Variants in RGS7BP observed in about 807,000 individuals in gnomAD.
The protein encoded by RGS7BP is regulator of G protein signaling 7-binding protein.
RGS7BP carries 9 observed loss-of-function variants against 31.3 expected under a neutral mutation model. The ratio of observed to expected loss-of-function variants is 0.29; its 90% confidence interval spans 0.17 to 0.50. RGS7BP has a LOEUF of 0.50. RGS7BP is among the 20% of genes least tolerant of loss of function. RGS7BP has a pLI of 0.98. For synonymous variants in RGS7BP, 115 were observed against 120.1 expected, an observed-to-expected ratio of 0.96 and a Z score of 0.28; for missense variants, 274 against 322.0, an observed-to-expected ratio of 0.85 and a Z score of 1.14.
intron 2 of RGS7BP, among the ~76,000 whole-genome samples, chr5:64,538,528 C>CTTTTTTTTTTTCTTTTTTTTTTT (rs1741438440): frequency 2.3e-5 from 1 of 43,064 alleles, no homozygotes; most frequent in African/African-American, 8.8e-5. Context: ...CTTTTCTTTT[C>CTTTTTTTTTTTCTTTTTTTTTTT]TTTTTTTTTT....
chr5:64,546,011 A>C (rs1580417461), intron 2 of RGS7BP, among the ~76,000 whole-genome samples: 1 of 152,166 alleles, frequency 6.6e-6, no homozygotes, highest in Admixed American at 6.5e-5. Flanking sequence ...AAAATTAGCC[A>C]GGCGTGGTGG....
intron 2 of RGS7BP, among the ~76,000 whole-genome samples, chr5:64,535,774 C>A (rs1204062288): frequency 6.6e-6 from 1 of 152,170 alleles, no homozygotes; most frequent in Non-Finnish European, 1.5e-5. Context: ...ATGGTCCTGC[C>A]AATATCTTTT....
intron 2 of RGS7BP, among the ~76,000 whole-genome samples, chr5:64,527,010 CTGAAT>C (rs1323917601): frequency 6.6e-6 from 1 of 152,180 alleles, no homozygotes; most frequent in Non-Finnish European, 1.5e-5. Context: ...ATGTATTCTC[CTGAAT>C]ACACACTTGA....
intron 2 of RGS7BP, among the ~76,000 whole-genome samples, chr5:64,509,851 A>G (rs898852941): frequency 8.5e-5 from 13 of 152,226 alleles, no homozygotes; most frequent in African/African-American, 1.2e-4. Flanking sequence ...ATTCTAGGAT[A>G]GAACTTGACA....
chr5:64,550,322 C>T (rs150684039), intron 2 of RGS7BP, among the ~76,000 whole-genome samples: 1 of 152,198 alleles, frequency 6.6e-6, no homozygotes. Context: ...TCCTGGCTTG[C>T]AGATGGCCAC....
rs1360630689 is a variant in RGS7BP, at chr5:64,506,018, C to T, written c.-607C>T. On this transcript the variant is annotated 5_prime_UTR_variant, in exon 1 of 6. Transcript: ENST00000334025. The surrounding 1 kb of genome is among the most constrained non-coding windows in gnomAD (Gnocchi z 4.6). ...GGACCGATTCTCTGCGTCTGCCAGT[C>T]CCGCCACAGATTCATCTGGGATCTT... Among the ~76,000 whole-genome samples, 1 of 152,090 alleles carries T rather than the reference C, an allele frequency of 6.6e-6. No individual in the cohort carries two copies. The highest frequency in any genetic ancestry group is 2.4e-5 in the African/African-American group (1 of 41,412).
At chr5:64,521,185 A>T (rs757268196) in intron 2 of RGS7BP, among the ~76,000 whole-genome samples, 2 of 152,146 alleles carry the variant, frequency 1.3e-5, no homozygotes, top group Non-Finnish European at 2.9e-5. Flanking sequence ...TTTGGCATGG[A>T]ATTCTTATTT....
At chr5:64,571,190 G>C (rs1460518636) in intron 2 of RGS7BP, among the ~76,000 whole-genome samples, 1 of 152,080 alleles carries the variant, frequency 6.6e-6, no homozygotes, top group Non-Finnish European at 1.5e-5. Context: ...ATTCTTTTGT[G>C]TAAGGATTTT....
chr5:64,579,847 A>T (rs902163639), intron 3 of RGS7BP, among the ~76,000 whole-genome samples: 1 of 152,138 alleles, frequency 6.6e-6, no homozygotes. Context: ...TTTCTTTATT[A>T]CACCTAAGGG....
intron 2 of RGS7BP, among the ~76,000 whole-genome samples, chr5:64,563,452 T>G (rs1005209849): frequency 1.4e-4 from 21 of 152,154 alleles, no homozygotes; most frequent in African/African-American, 5.1e-4. Flanking sequence ...TAATCCATCA[T>G]GACTGATATC....
intron 2 of RGS7BP, among the ~76,000 whole-genome samples, chr5:64,516,988 T>TAA (rs1350521569): frequency 3.6e-5 from 5 of 137,818 alleles, no homozygotes; most frequent in African/African-American, 1.4e-4. Flanking sequence ...TAGCAATTGC[T>TAA]AAAGACACCA....
In RGS7BP at chr5:64,611,207, C is replaced by T. The variant is rs1217451153; in HGVS notation, c.*1955C>T. The T allele has an allele frequency of 6.6e-6, 1 of 151,916 alleles. No homozygotes were observed. Among genetic ancestry groups the T allele is most frequent in the African/African-American group, 2.4e-5 (1 of 41,394 alleles). The allele number at this position is 151,916 out of a possible 1,614,324, so 9.4% of individuals were successfully genotyped here. A position where few individuals can be genotyped will look rare whatever the true frequency, so the allele number is the denominator to read the frequency against. Reference sequence around the variant, plus strand: ...CTAATTCATTTTCACCCACTAAGGTCATTTCATTTAAGATCCATTGTTTTT... The same window carrying T: ...CTAATTCATTTTCACCCACTAAGGTTATTTCATTTAAGATCCATTGTTTTT... On this transcript the variant is annotated 3_prime_UTR_variant, in exon 6 of 6. Coordinates refer to ENST00000334025, the MANE Select transcript of RGS7BP (RefSeq NM_001029875.3).
At chr5:64,606,899 A>G (rs1300648952) in intron 5 of RGS7BP, among the ~76,000 whole-genome samples, 2 of 152,136 alleles carry the variant, frequency 1.3e-5, no homozygotes, top group Non-Finnish European at 2.9e-5. Context: ...CACTATGGAA[A>G]GGACAATTAT....
At chr5:64,565,488 G>A (rs561981369) in intron 2 of RGS7BP, among the ~76,000 whole-genome samples, 52 of 151,808 alleles carry the variant, frequency 3.4e-4, no homozygotes, top group African/African-American at 1.2e-3. Context: ...CTGTTTATAC[G>A]TATTATTTTT....
intron 2 of RGS7BP, among the ~76,000 whole-genome samples, chr5:64,513,614 T>C (rs946845345): frequency 6.6e-6 from 1 of 152,228 alleles, no homozygotes; most frequent in Non-Finnish European, 1.5e-5. Context: ...GATAAGAGTA[T>C]GGAAGAAGAG....
intron 2 of RGS7BP, among the ~76,000 whole-genome samples, chr5:64,520,227 G>A (rs185242553): frequency 7.9e-4 from 120 of 152,196 alleles, no homozygotes; most frequent in African/African-American, 2.8e-3. Context: ...GCTGTTTCCC[G>A]ACAGACCCTT....
chr5:64,589,476 G>A (rs78466782), intron 3 of RGS7BP, among the ~76,000 whole-genome samples: 28 of 152,030 alleles, frequency 1.8e-4, no homozygotes, highest in African/African-American at 6.8e-4. Flanking sequence ...TAATATTCTT[G>A]CCAAAAAAAT....
intron 2 of RGS7BP, among the ~76,000 whole-genome samples, chr5:64,514,129 C>T (rs1468511959): frequency 6.6e-6 from 1 of 152,208 alleles, no homozygotes; most frequent in African/African-American, 2.4e-5. Context: ...TTCAGCTTCA[C>T]ATGGCCTTTT....
At chr5:64,521,334 T>A (rs1001022680) in intron 2 of RGS7BP, among the ~76,000 whole-genome samples, 1 of 152,232 alleles carries the variant, frequency 6.6e-6, no homozygotes, top group African/African-American at 2.4e-5. Flanking sequence ...CTTGGCTCAC[T>A]GCAACCTCCG....
Sources: allele counts gnomAD v4.1 joint callset (sites outside exome capture counted in the v4.1 genomes callset), GRCh38; gene constraint gnomAD v4.1.1; non-coding constraint Gnocchi (gnomAD v3.1); transcripts MANE v1.5; gene names NCBI Gene and HGNC (gene_info 2026-07-23, HGNC 2026-07-21).